OSBPL5: variants seen among roughly 807,000 people sequenced by gnomAD.
OSBPL5 encodes oxysterol-binding protein-related protein 5.
OSBPL5 carries 71 observed loss-of-function variants against 111.2 expected under a neutral mutation model. The ratio of observed to expected loss-of-function variants is 0.64; its 90% confidence interval spans 0.53 to 0.78. OSBPL5 has a LOEUF of 0.78. Ranked by LOEUF, OSBPL5 falls within the 30% of genes least tolerant of loss-of-function variation. The probability of loss-of-function intolerance (pLI) is 0.00; values close to 1 mark genes in which losing one functional copy is unlikely to be tolerated. For synonymous variants in OSBPL5, 549 were observed against 513.9 expected, an observed-to-expected ratio of 1.07 and a Z score of -0.93; for missense variants, 1,210 against 1,189.3, an observed-to-expected ratio of 1.02 and a Z score of -0.26.
rs1195923066 is a variant in OSBPL5, at chr11:3,162,060, C to T, written c.-22+3156G>A. 1.3e-5 allele frequency among the ~76,000 whole-genome samples: 2 copies of T among 151,988 alleles called. No individual in the cohort carries two copies. The highest frequency in any genetic ancestry group is 2.9e-5 in the Non-Finnish European group (2 of 67,976). Reference sequence around the variant, plus strand: ...GGGCCTGTGGGGTCTGGAAAGGGGTCAGGACTTACTGAGACCCATGGCAAA... The same window carrying T: ...GGGCCTGTGGGGTCTGGAAAGGGGTTAGGACTTACTGAGACCCATGGCAAA... On this transcript the variant is annotated intron_variant, in intron 1 of 21. Transcript: ENST00000263650. This position sits in a 1 kb window ranked among gnomAD's most constrained non-coding sequence, Gnocchi z 8.1.
At position 3,089,946 on chromosome 11, in the gene OSBPL5, C is replaced by A. The variant is rs758524305; in HGVS notation, c.2401G>T (p.Gly801Cys). ...EEQDGDFVPG[G>C]ESPCPRCRKE... Reference sequence around the variant, plus strand: ...CTGCACCGAGGGCATGGGCTCTCACCGCCTGGGACGGCCCCGAGTGAGACA... The same window carrying A: ...CTGCACCGAGGGCATGGGCTCTCACAGCCTGGGACGGCCCCGAGTGAGACA... Residue 801 changes from glycine to cysteine, a missense_variant and splice_region_variant, in exon 21 of 22, where the codon GGT (glycine) becomes TGT (cysteine). Physicochemically the swap from Gly to Cys is radical, Grantham distance 159. Transcript: ENST00000263650. 1.1e-5 allele frequency: 17 copies of A among 1,542,846 alleles called. No homozygotes were observed. The highest frequency in any genetic ancestry group is 1.9e-5 in the Admixed American group (1 of 51,446).
intron 1 of OSBPL5, among the ~76,000 whole-genome samples, chr11:3,145,993 C>T (rs1194175922): frequency 2.0e-5 from 3 of 152,170 alleles, no homozygotes; most frequent in Non-Finnish European, 4.4e-5. Flanking sequence ...CCTCAGCTGC[C>T]GTTCCACTTG....
At chr11:3,093,982 G>T in intron 15 of OSBPL5, 147 bp from the exon 16 acceptor site, 1 of 1,011,262 alleles carries the variant, frequency 9.9e-7, no homozygotes, top group Non-Finnish European at 1.4e-6. Context: ...CGAGGCCTTC[G>T]GGACCCCCAC....
intron 5 of OSBPL5, 115 bp from the exon 6 acceptor site, chr11:3,120,739 T>TC: frequency 9.3e-7 from 1 of 1,070,626 alleles, no homozygotes; most frequent in Non-Finnish European, 1.4e-6. Context: ...GAGGGGCCCT[T>TC]CCCCTCCCTC....
At chr11:3,117,939 A>C (rs1858266775) in intron 7 of OSBPL5, among the ~76,000 whole-genome samples, 1 of 152,148 alleles carries the variant, frequency 6.6e-6, no homozygotes, top group Non-Finnish European at 1.5e-5. Context: ...CCAATTTCCC[A>C]GGATTGTTCT....
Position 3,103,302 on chromosome 11 carries a change from ATCC to A in OSBPL5, c.1260_1262del (p.Glu420del). On this transcript the variant is annotated inframe_deletion, in exon 11 of 22. Coordinates refer to ENST00000263650, the MANE Select transcript of OSBPL5 (RefSeq NM_020896.4). ...GCACCAGCTTCATGCGGCTGTAGGC[ATCC>A]TCCTCCACCGCAGCCCTGCCATGGG... The A allele has an allele frequency of 6.2e-7, 1 of 1,607,302 alleles. No individual in the cohort carries two copies. The highest frequency in any genetic ancestry group is 8.5e-7 in the Non-Finnish European group (1 of 1,176,956).
chr11:3,140,207 A>C lies in OSBPL5; in HGVS notation c.-21-11038T>G, dbSNP rs1295343649. On this transcript the variant is annotated intron_variant, in intron 1 of 21. Transcript: ENST00000263650. This position sits in a 1 kb window ranked among gnomAD's most constrained non-coding sequence, Gnocchi z 4.5. ...GAGTCCTCAGAAGGAGGGAGGGGATAATTGCAGTGGTGTCTCCCTGGCCAG... is the reference window on the plus strand; with the variant it reads ...GAGTCCTCAGAAGGAGGGAGGGGATCATTGCAGTGGTGTCTCCCTGGCCAG... Among the ~76,000 whole-genome samples the C allele has an allele frequency of 6.6e-6, 1 of 152,158 alleles. No homozygotes were observed. Among genetic ancestry groups the C allele is most frequent in the Non-Finnish European group, 1.5e-5 (1 of 68,026 alleles).
chr11:3,157,208 C>T (rs577172091), intron 1 of OSBPL5, among the ~76,000 whole-genome samples: 4 of 152,324 alleles, frequency 2.6e-5, no homozygotes, highest in East Asian at 1.9e-4. Context: ...GGAAAGCAAG[C>T]GGTGCTTCCC....
chr11:3,139,780 T>C (rs1049188150), intron 1 of OSBPL5, among the ~76,000 whole-genome samples: 1 of 152,334 alleles, frequency 6.6e-6, no homozygotes. Context: ...CCCCGGCCTC[T>C]CTTCCTTCAG....
chr11:3,143,348 C>T (rs1294136736), intron 1 of OSBPL5, among the ~76,000 whole-genome samples: 1 of 152,128 alleles, frequency 6.6e-6, no homozygotes, highest in Non-Finnish European at 1.5e-5. Flanking sequence ...CGAAAACGCA[C>T]GGACGCGACA....
At position 3,121,536 on chromosome 11, in the gene OSBPL5, G is replaced by A. The variant is rs1258982943; in HGVS notation, c.402+461C>T. ...CTGGTATGCGTTGCCCAGCAGCCTCGGAGTTGGGCAGTTTTACCTCCACTG... is the reference window on the plus strand; with the variant it reads ...CTGGTATGCGTTGCCCAGCAGCCTCAGAGTTGGGCAGTTTTACCTCCACTG... On this transcript the variant is annotated intron_variant, in intron 5 of 21. Transcript: ENST00000263650. The surrounding 1 kb of genome is among the most constrained non-coding windows in gnomAD (Gnocchi z 4.3). Among the ~76,000 whole-genome samples the A allele has an allele frequency of 6.6e-6, 1 of 152,224 alleles. No individual in the cohort carries two copies. Among genetic ancestry groups the A allele is most frequent in the Non-Finnish European group, 1.5e-5 (1 of 68,016 alleles).
intron 1 of OSBPL5, among the ~76,000 whole-genome samples, chr11:3,148,870 G>A (rs976176256): frequency 1.3e-5 from 2 of 152,238 alleles, no homozygotes; most frequent in African/African-American, 2.4e-5. Flanking sequence ...ACCGGCACAA[G>A]ATAAAAGAGG....
At chr11:3,089,393 G>A (rs746467866) in intron 21 of OSBPL5, among the ~76,000 whole-genome samples, 8 of 152,196 alleles carry the variant, frequency 5.3e-5, no homozygotes, top group Middle Eastern at 3.2e-3. Context: ...AAGGGGCCAT[G>A]TGGCCCTGGT....
chr11:3,091,339 G>T (rs1857048227), intron 19 of OSBPL5, among the ~76,000 whole-genome samples: 1 of 152,340 alleles, frequency 6.6e-6, no homozygotes, highest in Middle Eastern at 3.4e-3. Flanking sequence ...AGGTGCCAGG[G>T]ACGCTCTGCA....
chr11:3,105,435 T>C lies in OSBPL5; in HGVS notation c.1060-1058A>G, dbSNP rs928760089. On this transcript the variant is annotated intron_variant, in intron 9 of 21. Transcript: ENST00000263650. The surrounding 1 kb of genome is among the most constrained non-coding windows in gnomAD (Gnocchi z 5.2). Reference sequence around the variant, plus strand: ...CCATGTCTGACCCCATGAGGGGTCATGGGGAGCCCAGTGCTGTAGCTTTGG... The same window carrying C: ...CCATGTCTGACCCCATGAGGGGTCACGGGGAGCCCAGTGCTGTAGCTTTGG... 6.6e-6 allele frequency among the ~76,000 whole-genome samples: 1 copy of C among 152,098 alleles called. No homozygotes were observed. The highest frequency in any genetic ancestry group is 1.5e-5 in the Non-Finnish European group (1 of 68,006).
At position 3,105,022 on chromosome 11, in the gene OSBPL5, A is replaced by T. The variant is rs1000924866; in HGVS notation, c.1060-645T>A. On this transcript the variant is annotated intron_variant, in intron 9 of 21. Coordinates refer to ENST00000263650, the MANE Select transcript of OSBPL5 (RefSeq NM_020896.4). This position sits in a 1 kb window ranked among gnomAD's most constrained non-coding sequence, Gnocchi z 5.2. ...CCCTCATCTCTTCCTTTTCTGAGAC[A>T]TCTAACCCTCACCACAGCTCCAGAA... Among the ~76,000 whole-genome samples, 2 of 151,972 alleles carry T rather than the reference A, an allele frequency of 1.3e-5. No individual in the cohort carries two copies. The highest frequency in any genetic ancestry group is 2.4e-5 in the African/African-American group (1 of 41,374).
At position 3,088,057 on chromosome 11, in the gene OSBPL5, T is replaced by C. The variant is rs1369206166; in HGVS notation, c.*148A>G. ...CCAGCACACCTGGGCCCGCAGCGCC[T>C]TGTGGCCCCGGGTCCCTCCTGCGCC... On this transcript the variant is annotated 3_prime_UTR_variant, in exon 22 of 22. Transcript: ENST00000263650. 1 of 698,002 alleles carries C rather than the reference T, an allele frequency of 1.4e-6. No homozygotes were observed. The highest frequency in any genetic ancestry group is 2.2e-6 in the Non-Finnish European group (1 of 464,266). The allele number at this position is 698,002 out of a possible 1,614,324, so 43.2% of individuals were successfully genotyped here. A position where few individuals can be genotyped will look rare whatever the true frequency, so the allele number is the denominator to read the frequency against.
At chr11:3,127,747 G>C (rs1858677209) in intron 2 of OSBPL5, among the ~76,000 whole-genome samples, 1 of 152,200 alleles carries the variant, frequency 6.6e-6, no homozygotes, top group African/African-American at 2.4e-5. Context: ...CAAAGGCTGG[G>C]GCCCTTGGAC....
intron 2 of OSBPL5, among the ~76,000 whole-genome samples, 186 bp downstream of exon 2, chr11:3,128,827 G>C (rs1378137312): frequency 1.3e-5 from 2 of 152,188 alleles, no homozygotes; most frequent in Non-Finnish European, 2.9e-5. Context: ...TGGCCCCGCA[G>C]GTCAAGCCAA....
Sources: allele counts gnomAD v4.1 joint callset (sites outside exome capture counted in the v4.1 genomes callset), GRCh38; gene constraint gnomAD v4.1.1; non-coding constraint Gnocchi (gnomAD v3.1); transcripts MANE v1.5; gene names NCBI Gene and HGNC (gene_info 2026-07-23, HGNC 2026-07-21).